The following MAP4K3 variants were observed in gnomAD, a reference collection of about 807,000 sequenced individuals.
MAP4K3 encodes MAPK/ERK kinase kinase kinase 3.
MAP4K3 carries 94 observed loss-of-function variants against 143.5 expected under a neutral mutation model. The ratio of observed to expected loss-of-function variants is 0.65; its 90% confidence interval spans 0.55 to 0.78. The LOEUF (loss-of-function observed/expected upper bound fraction) is 0.78, where lower values mean the gene tolerates loss of function less well. MAP4K3 is among the 30% of genes least tolerant of loss of function. The probability of loss-of-function intolerance (pLI) is 0.00; values close to 1 mark genes in which losing one functional copy is unlikely to be tolerated. For synonymous variants in MAP4K3, 416 were observed against 347.2 expected (o/e 1.20, Z -2.20); for missense variants, 1,077 against 1,068.1 (o/e 1.01, Z -0.12).
chr2:39,405,163 T>G (rs1160985315), intron 1 of MAP4K3, among the ~76,000 whole-genome samples: 5 of 152,208 alleles, frequency 3.3e-5, no homozygotes, highest in Admixed American at 6.5e-5. Context: ...ACAGTCCTGG[T>G]ACGGGTGGCA....
At chr2:39,270,413 A>G (rs1861733) in intron 26 of MAP4K3, among the ~76,000 whole-genome samples, 118,983 of 152,186 alleles carry the variant, frequency 0.78, 47,176 homozygotes, top group Non-Finnish European at 0.85. Flanking sequence ...TGTATTTAAC[A>G]TAGGATATTT....
In MAP4K3 at chr2:39,378,126, AAAAG is replaced by A. The variant is rs756363324; in HGVS notation, c.97-7_97-4del. The A allele has an allele frequency of 6.4e-6, 10 of 1,566,654 alleles. No individual in the cohort carries two copies. The highest frequency in any genetic ancestry group is 1.9e-5 in the Admixed American group (1 of 53,058). On this transcript the variant is annotated splice_polypyrimidine_tract_variant and splice_region_variant and intron_variant, in intron 1 of 33. Coordinates refer to ENST00000263881, the MANE Select transcript of MAP4K3 (RefSeq NM_003618.4). ...TCACCAGTGTTAACATTCCGTGCCT[AAAAG>A]AAAGAGGAAAAAAGGATTATTGTGA...
At chr2:39,276,619 A>G (rs1432424801) in intron 24 of MAP4K3, among the ~76,000 whole-genome samples, 2 of 152,212 alleles carry the variant, frequency 1.3e-5, no homozygotes, top group African/African-American at 2.4e-5. Flanking sequence ...GAGATTATCA[A>G]TGGTGTCTAC....
Position 39,394,779 on chromosome 2 carries a change from C to T in MAP4K3, c.97-16656G>A, listed in dbSNP as rs990222485. 4.6e-5 allele frequency among the ~76,000 whole-genome samples: 7 copies of T among 152,068 alleles called. No individual in the cohort carries two copies. The South Asian group carries it at 1.0e-3, about 23-fold the overall frequency. On this transcript the variant is annotated intron_variant, in intron 1 of 33. Coordinates refer to ENST00000263881, the MANE Select transcript of MAP4K3 (RefSeq NM_003618.4). ...GAATGTGGTTATGATGCCAAGGATA[C>T]GACTAAACAGAAAAACGCCTGGCAG...
intron 1 of MAP4K3, among the ~76,000 whole-genome samples, chr2:39,378,584 T>C (rs1054878140): frequency 1.3e-5 from 2 of 152,148 alleles, no homozygotes; most frequent in Non-Finnish European, 2.9e-5. Flanking sequence ...ACTGTATTGC[T>C]ATTCATTCAA....
chr2:39,297,028 T>G (rs1239343307), intron 16 of MAP4K3, among the ~76,000 whole-genome samples: 4 of 152,234 alleles, frequency 2.6e-5, no homozygotes, highest in Non-Finnish European at 5.9e-5. Flanking sequence ...TAATTCAATG[T>G]ACTCTTTTAA....
At chr2:39,276,842 AGAG>A (rs1217538270) in intron 24 of MAP4K3, among the ~76,000 whole-genome samples, 2 of 152,142 alleles carry the variant, frequency 1.3e-5, no homozygotes, top group Non-Finnish European at 2.9e-5. Flanking sequence ...ATACTGGGGG[AGAG>A]GAGGAGAGAA....
At chr2:39,357,126 C>A (rs1218990285) in intron 2 of MAP4K3, among the ~76,000 whole-genome samples, 1 of 152,194 alleles carries the variant, frequency 6.6e-6, no homozygotes, top group African/African-American at 2.4e-5. Flanking sequence ...CCTCCTTGTC[C>A]AAATTCTCTA....
intron 24 of MAP4K3, among the ~76,000 whole-genome samples, chr2:39,274,377 C>T (rs781054401): frequency 3.0e-4 from 45 of 151,826 alleles, no homozygotes; most frequent in Non-Finnish European, 4.3e-4. Context: ...CCACCACGCC[C>T]GGCTAATTTT....
At chr2:39,340,926 T>C (rs1426776842) in intron 4 of MAP4K3, among the ~76,000 whole-genome samples, 4 of 151,924 alleles carry the variant, frequency 2.6e-5, no homozygotes, top group Middle Eastern at 6.3e-3. Context: ...AAATAGGAAA[T>C]TGAGTTGAAG....
intron 1 of MAP4K3, among the ~76,000 whole-genome samples, chr2:39,402,273 A>G (rs1345925169): frequency 6.6e-6 from 1 of 152,206 alleles, no homozygotes; most frequent in African/African-American, 2.4e-5. Flanking sequence ...ATGAACAGAG[A>G]GCATCAGTTA....
In MAP4K3 at chr2:39,393,667, AC is replaced by A. The variant is rs1429734825; in HGVS notation, c.97-15545del. Among the ~76,000 whole-genome samples the A allele has an allele frequency of 3.3e-5, 5 of 152,274 alleles. No individual in the cohort carries two copies. The East Asian group carries it at 9.6e-4, about 29-fold the overall frequency. Reference sequence around the variant, plus strand: ...TTATGTTTAAATCTGGGGTGAATGAACCAATTTCTAGAATTTGTGCCTATTA... The same window carrying A: ...TTATGTTTAAATCTGGGGTGAATGAACAATTTCTAGAATTTGTGCCTATTA... On this transcript the variant is annotated intron_variant, in intron 1 of 33. Transcript: ENST00000263881.
At chr2:39,405,182 C>G (rs1667061399) in intron 1 of MAP4K3, among the ~76,000 whole-genome samples, 1 of 152,192 alleles carries the variant, frequency 6.6e-6, no homozygotes, top group Non-Finnish European at 1.5e-5. Flanking sequence ...CAACAGAGGA[C>G]CTTGTGTCAC....
intron 12 of MAP4K3, among the ~76,000 whole-genome samples, chr2:39,318,016 C>T (rs1683175629): frequency 1.3e-5 from 2 of 151,984 alleles, no homozygotes; most frequent in African/African-American, 4.8e-5. Flanking sequence ...AAACTAAATG[C>T]CCAACAACAG....
At chr2:39,368,928 C>T (rs1665998898) in intron 2 of MAP4K3, among the ~76,000 whole-genome samples, 1 of 152,096 alleles carries the variant, frequency 6.6e-6, no homozygotes, top group South Asian at 2.1e-4. Context: ...ATATATCGTA[C>T]CTCTCCCTTA....
intron 1 of MAP4K3, among the ~76,000 whole-genome samples, chr2:39,415,726 T>G (rs1256796643): frequency 6.6e-6 from 1 of 151,144 alleles, no homozygotes; most frequent in African/African-American, 2.4e-5. Context: ...CCGAGGTGGG[T>G]GGATCACCTG....
At chr2:39,312,460 T>C (rs1201686552) in intron 13 of MAP4K3, among the ~76,000 whole-genome samples, 3 of 152,220 alleles carry the variant, frequency 2.0e-5, no homozygotes, top group Non-Finnish European at 4.4e-5. Context: ...CAAAGCATAA[T>C]CACTTTTCTA....
chr2:39,417,615 T>C (rs1044890679), intron 1 of MAP4K3, among the ~76,000 whole-genome samples: 4 of 152,170 alleles, frequency 2.6e-5, no homozygotes, highest in Non-Finnish European at 4.4e-5. Context: ...TCAAGAGATA[T>C]CAGTTTAGCT....
intron 3 of MAP4K3, among the ~76,000 whole-genome samples, chr2:39,344,212 T>C (rs112014778): frequency 0.037 from 5,573 of 152,274 alleles, 120 homozygotes; most frequent in Non-Finnish European, 0.048. Context: ...ATTTGTTCCA[T>C]AAATGAATGA....
Sources: allele counts gnomAD v4.1 joint callset (sites outside exome capture counted in the v4.1 genomes callset), GRCh38; gene constraint gnomAD v4.1.1; transcripts MANE v1.5; gene names NCBI Gene and HGNC (gene_info 2026-07-23, HGNC 2026-07-21).